The following PDE1A variants were observed in gnomAD, a reference collection of about 807,000 sequenced individuals.
PDE1A encodes dual specificity calcium/calmodulin-dependent 3',5'-cyclic nucleotide phosphodiesterase 1A.
A neutral mutation model predicts 61.7 loss-of-function variants in PDE1A; 35 were observed. The observed-to-expected ratio is 0.57, with a 90% CI of 0.43 to 0.75. The LOEUF is 0.75. PDE1A is among the 30% of genes least tolerant of loss of function. The probability of loss-of-function intolerance (pLI) is 0.00; values close to 1 mark genes in which losing one functional copy is unlikely to be tolerated. For missense variants in PDE1A, 597 were observed against 630.6 expected (o/e 0.95, Z 0.57); for synonymous variants, 232 against 213.2 (o/e 1.09, Z -0.77).
At chr2:182,644,015 T>G in the PDE1A span, among the ~76,000 whole-genome samples, 1 of 151,732 alleles carries the variant, frequency 6.6e-6, no homozygotes, top group African/African-American at 2.4e-5. Flanking sequence ...AAGTTTTCCC[T>G]TTTTTTAATT....
rs567307696 is a variant in PDE1A at position 182,492,086 on chromosome 2, G to A, written c.101+30190C>T. On this transcript the variant is annotated intron_variant, in intron 2 of 14. Transcript: ENST00000410103. ...TGATCATTTCCTATCATCTTGCTTT[G>A]CCTTGCCAATATCAATACAGTTGCC... Among the ~76,000 whole-genome samples, 78 of 152,000 alleles carry A rather than the reference G, an allele frequency of 5.1e-4. 1 individual carries two copies. The highest frequency in any genetic ancestry group is 1.8e-3 in the African/African-American group (75 of 41,438).
intron 4 of PDE1A, among the ~76,000 whole-genome samples, 172 bp from the exon 5 acceptor site, chr2:182,231,303 C>T (rs1054587141): frequency 2.6e-5 from 4 of 152,258 alleles, no homozygotes; most frequent in South Asian, 2.1e-4. Context: ...CATGGGTCCA[C>T]AAAATTGAGG....
chr2:182,380,965 A>C (rs1345995015), intron 1 of PDE1A, among the ~76,000 whole-genome samples: 1 of 152,196 alleles, frequency 6.6e-6, no homozygotes, highest in Non-Finnish European at 1.5e-5. Flanking sequence ...CTGGGAGAAG[A>C]ATACCTGTTG....
At chr2:182,616,047 T>C in the PDE1A span, among the ~76,000 whole-genome samples, 1 of 152,234 alleles carries the variant, frequency 6.6e-6, no homozygotes, top group Non-Finnish European at 1.5e-5. Context: ...TTATTTAACA[T>C]TTTTTAAGTC....
chr2:182,441,321 T>A (rs1684778916), intron 2 of PDE1A, among the ~76,000 whole-genome samples: 1 of 152,084 alleles, frequency 6.6e-6, no homozygotes, highest in African/African-American at 2.4e-5. Context: ...ATGTTTATTC[T>A]TCTCCATAAA....
At chr2:182,604,536 T>C in the PDE1A span, among the ~76,000 whole-genome samples, 1 of 152,164 alleles carries the variant, frequency 6.6e-6, no homozygotes, top group South Asian at 2.1e-4. Context: ...AGTCCAAGGA[T>C]ATGGAGAATA....
chr2:182,230,231 T>A, intron 5 of PDE1A, 85 bp from the exon 6 acceptor site: 1 of 1,039,042 alleles, frequency 9.6e-7, no homozygotes. Flanking sequence ...TGGAACATAT[T>A]AGTGAGTCAG....
intron 7 of PDE1A, among the ~76,000 whole-genome samples, chr2:182,212,476 G>A (rs915930258): frequency 2.6e-5 from 4 of 152,298 alleles, no homozygotes; most frequent in South Asian, 2.1e-4. Context: ...CGCAGAAGAC[G>A]GTGATTTCTG....
In PDE1A at chr2:182,168,010, A is replaced by G. The variant is rs1465242805; in HGVS notation, c.*237T>C. The G allele has an allele frequency of 3.3e-6, 4 of 1,222,088 alleles. No homozygotes were observed. The African/African-American group carries it at 4.7e-5, about 14-fold the overall frequency. 75.7% of individuals were successfully genotyped at this position (1,222,088 alleles called of 1,614,324 possible). On this transcript the variant is annotated 3_prime_UTR_variant, in exon 14 of 14. Transcript: ENST00000351439. ...AATGCCATTGAAACAGATATCTGAAAGCACAAGGTGCTGATGTAGCCACTA... is the reference window on the plus strand; with the variant it reads ...AATGCCATTGAAACAGATATCTGAAGGCACAAGGTGCTGATGTAGCCACTA...
chr2:182,282,148 T>C (rs895350587), intron 1 of PDE1A, among the ~76,000 whole-genome samples: 1 of 151,930 alleles, frequency 6.6e-6, no homozygotes, highest in African/African-American at 2.4e-5. Context: ...ACAGAAGATA[T>C]TTAAGCATAA....
chr2:182,558,738 T>C, the PDE1A span, among the ~76,000 whole-genome samples: 1 of 152,234 alleles, frequency 6.6e-6, no homozygotes, highest in African/African-American at 2.4e-5. Context: ...ATAAATGTGC[T>C]TTCCATTTCT....
At chr2:182,650,459 A>G in the PDE1A span, among the ~76,000 whole-genome samples, 1 of 152,208 alleles carries the variant, frequency 6.6e-6, no homozygotes. Flanking sequence ...ACATTCAGTT[A>G]GCACCTACTA....
intron 13 of PDE1A, among the ~76,000 whole-genome samples, chr2:182,168,780 C>T (rs999794967): frequency 6.6e-6 from 1 of 151,950 alleles, no homozygotes; most frequent in Non-Finnish European, 1.5e-5. Flanking sequence ...ATCATGTTTC[C>T]TTTTCCTTTA....
At chr2:182,201,417 G>C (rs1460097695) in intron 10 of PDE1A, 22 bp downstream of exon 10, 1 of 1,612,700 alleles carries the variant, frequency 6.2e-7, no homozygotes, top group East Asian at 2.2e-5. Context: ...AAAAACATTT[G>C]CACAGAGTGT....
At chr2:182,344,868 CT>C (rs1698425740) in intron 1 of PDE1A, among the ~76,000 whole-genome samples, 1 of 152,080 alleles carries the variant, frequency 6.6e-6, no homozygotes, top group African/African-American at 2.4e-5. Flanking sequence ...TTTGACTTCC[CT>C]GACAGAAGCC....
the PDE1A span, among the ~76,000 whole-genome samples, chr2:182,557,740 T>A: frequency 1.3e-5 from 2 of 151,542 alleles, no homozygotes; most frequent in Non-Finnish European, 2.9e-5. Flanking sequence ...TAAAAATAAA[T>A]AAATAAAATA....
chr2:182,715,804 TG>T, the PDE1A span, among the ~76,000 whole-genome samples: 1 of 152,242 alleles, frequency 6.6e-6, no homozygotes. Flanking sequence ...TCCGCTAGCC[TG>T]ATACTGCAAT....
chr2:182,571,086 CAT>C, the PDE1A span, among the ~76,000 whole-genome samples: 2 of 152,252 alleles, frequency 1.3e-5, no homozygotes, highest in African/African-American at 4.8e-5. Flanking sequence ...TTTAAATACT[CAT>C]ATGAAGATTA....
rs375735807 is a variant in PDE1A at position 182,505,821 on chromosome 2, G to A, written c.101+16455C>T. 8.8e-3 allele frequency among the ~76,000 whole-genome samples: 1,314 copies of A among 150,110 alleles called. 27 individuals carry two copies. Among genetic ancestry groups the A allele is most frequent in the African/African-American group, 0.029 (1,207 of 41,174 alleles). ...TTAGTCAAGAGAATGGATACAGGAA[G>A]TCATGAATAAATTGGGCCATTACTG... is the stretch of plus-strand genomic sequence containing the variant. On this transcript the variant is annotated intron_variant, in intron 2 of 14. Coordinates refer to the PDE1A transcript ENST00000410103.
Sources: allele counts gnomAD v4.1 joint callset (sites outside exome capture counted in the v4.1 genomes callset), GRCh38; gene constraint gnomAD v4.1.1; transcripts MANE v1.5; gene names NCBI Gene and HGNC (gene_info 2026-07-23, HGNC 2026-07-21).